UBXN2A: variants seen among roughly 807,000 people sequenced by gnomAD.
UBXN2A encodes the protein UBX domain protein 2A, also known as UBX domain-containing protein 2A.
Under a neutral mutation model 28.4 loss-of-function variants are expected in UBXN2A, and 28 were observed. The observed-to-expected ratio is 0.99, with a 90% confidence interval of 0.73 to 1.35. The LOEUF (loss-of-function observed/expected upper bound fraction) is 1.35. Among genes scored for constraint, UBXN2A ranks in the 40% most tolerant of loss-of-function variants. The pLI is 0.00. For synonymous variants in UBXN2A, 97 were observed against 103.6 expected (o/e 0.94, Z 0.39); for missense variants, 253 against 297.9 (o/e 0.85, Z 1.11).
intron 3 of UBXN2A, among the ~76,000 whole-genome samples, chr2:23,971,927 A>T (rs1707438384): frequency 6.6e-6 from 1 of 152,046 alleles, no homozygotes; most frequent in South Asian, 2.1e-4. Flanking sequence ...AGCAAGACCC[A>T]TCTCTACAAA....
At chr2:23,934,999 T>C (rs1705482248) in intron 1 of UBXN2A, among the ~76,000 whole-genome samples, 1 of 151,968 alleles carries the variant, frequency 6.6e-6, no homozygotes, top group African/African-American at 2.4e-5. Flanking sequence ...CACTTGAACC[T>C]GGGAGGCAGA....
In UBXN2A at chr2:24,000,033, T is replaced by C. The variant is rs1482998120; in HGVS notation, c.*166T>C. On this transcript the variant is annotated 3_prime_UTR_variant, in exon 7 of 7. Transcript: ENST00000309033. Reference sequence around the variant, plus strand: ...TTTAGATAAGTACAAGTTAAGAAAGTAGCATATGACTGGAAACTATATTCA... The same window carrying C: ...TTTAGATAAGTACAAGTTAAGAAAGCAGCATATGACTGGAAACTATATTCA... 6.3e-6 allele frequency: 4 copies of C among 639,892 alleles called. No individual in the cohort carries two copies. Among genetic ancestry groups the C allele is most frequent in the Non-Finnish European group, 1.0e-5 (4 of 382,064 alleles). 39.6% of individuals were successfully genotyped at this position (639,892 alleles called of 1,614,324 possible). A position where few individuals can be genotyped will look rare whatever the true frequency, so the allele number is the denominator to read the frequency against.
At chr2:23,955,401 A>G (rs1481784583) in intron 1 of UBXN2A, among the ~76,000 whole-genome samples, 1 of 152,088 alleles carries the variant, frequency 6.6e-6, no homozygotes, top group East Asian at 1.9e-4. Flanking sequence ...CTGTTCTTCC[A>G]TTTTGCTGAT....
chr2:23,964,328 A>G (rs1163879746), intron 2 of UBXN2A, among the ~76,000 whole-genome samples: 1 of 151,908 alleles, frequency 6.6e-6, no homozygotes, highest in Non-Finnish European at 1.5e-5. Context: ...CTCCTGCCTC[A>G]GCCTCCTGAG....
In UBXN2A at chr2:23,971,422, A is replaced by G; in HGVS notation, c.180+8A>G. 1 of 1,529,050 alleles carries G rather than the reference A, an allele frequency of 6.5e-7. No individual in the cohort carries two copies. The highest frequency in any genetic ancestry group is 1.4e-5 in the African/African-American group (1 of 73,342). 94.7% of individuals were successfully genotyped at this position (1,529,050 alleles called of 1,614,324 possible). On this transcript the variant is annotated splice_region_variant and intron_variant, in intron 3 of 6. Transcript: ENST00000309033. ...GCTGAACAGAAGAAACAGGTAAATAAATGTCTATTACTTTTCTTTTTCTTT... is the reference window on the plus strand; with the variant it reads ...GCTGAACAGAAGAAACAGGTAAATAGATGTCTATTACTTTTCTTTTTCTTT...
At chr2:23,951,419 T>G (rs1706355891) in intron 1 of UBXN2A, among the ~76,000 whole-genome samples, 2 of 10,390 alleles carry the variant, frequency 1.9e-4, no homozygotes, top group South Asian at 6.6e-3. Flanking sequence ...GATGGATATA[T>G]ATATATATAT....
At chr2:23,941,446 T>G (rs1705752947) in intron 1 of UBXN2A, among the ~76,000 whole-genome samples, 1 of 152,172 alleles carries the variant, frequency 6.6e-6, no homozygotes, top group Non-Finnish European at 1.5e-5. Context: ...ATAACACTAA[T>G]GTTAGTGCTA....
chr2:23,984,572 C>A, intron 5 of UBXN2A, 101 bp from the exon 6 acceptor site: 1 of 1,047,304 alleles, frequency 9.5e-7, no homozygotes, highest in East Asian at 3.4e-5. Flanking sequence ...AAAAATCTTC[C>A]TTAAAGTTAT....
rs144771282 is a variant in UBXN2A, at chr2:23,962,228, G to A, written c.41+3873G>A. Among the ~76,000 whole-genome samples, 13 of 152,246 alleles carry A rather than the reference G, an allele frequency of 8.5e-5. No homozygotes were observed. In the East Asian group the frequency reaches 1.7e-3, roughly 20 times the overall value. On this transcript the variant is annotated intron_variant, in intron 2 of 6. Coordinates refer to ENST00000309033, the MANE Select transcript of UBXN2A (RefSeq NM_181713.4). ...TGTTTACCATATGTGCTATCTAAGC[G>A]TCCACAGATGCAAATCTTTCACCCA...
At chr2:23,998,555 C>G (rs1381132681) in intron 6 of UBXN2A, among the ~76,000 whole-genome samples, 1 of 152,014 alleles carries the variant, frequency 6.6e-6, no homozygotes, top group African/African-American at 2.4e-5. Context: ...CCCATCTCTA[C>G]TAAGAAATAC....
intron 3 of UBXN2A, 106 bp from the exon 4 acceptor site, chr2:23,976,863 G>A: frequency 1.1e-6 from 1 of 884,464 alleles, no homozygotes; most frequent in South Asian, 1.7e-5. Flanking sequence ...TTACAGGAGT[G>A]AACCACCCCA....
chr2:23,959,824 G>A (rs1706813469), intron 2 of UBXN2A, among the ~76,000 whole-genome samples: 1 of 152,142 alleles, frequency 6.6e-6, no homozygotes, highest in African/African-American at 2.4e-5. Context: ...GTTTTTAGTG[G>A]GAGCTAGTTA....
In UBXN2A at chr2:24,000,597, C is replaced by A; in HGVS notation, c.*730C>A. On this transcript the variant is annotated 3_prime_UTR_variant, in exon 7 of 7. Transcript: ENST00000309033. Reference sequence around the variant, plus strand: ...AAATAATTGTGGCCGGGTGCAATGGCTCATGCCTGTAATCCCAGCACTTTG... The same window carrying A: ...AAATAATTGTGGCCGGGTGCAATGGATCATGCCTGTAATCCCAGCACTTTG... 6.6e-6 allele frequency: 1 copy of A among 151,890 alleles called. No homozygotes were observed. Among genetic ancestry groups the A allele is most frequent in the Non-Finnish European group, 1.5e-5 (1 of 67,946 alleles). The allele number at this position is 151,890 out of a possible 1,614,324, so 9.4% of individuals were successfully genotyped here. A position where few individuals can be genotyped will look rare whatever the true frequency, so the allele number is the denominator to read the frequency against.
chr2:23,955,665 A>G (rs1328892879), intron 1 of UBXN2A, among the ~76,000 whole-genome samples: 1 of 152,230 alleles, frequency 6.6e-6, no homozygotes, highest in Non-Finnish European at 1.5e-5. Context: ...AAACCTGTAC[A>G]GCATGTTACT....
At chr2:23,987,893 G>A (rs1305920021) in intron 6 of UBXN2A, among the ~76,000 whole-genome samples, 1 of 151,958 alleles carries the variant, frequency 6.6e-6, no homozygotes, top group African/African-American at 2.4e-5. Context: ...GGAGACCGAG[G>A]CAGGCAGATC....
At chr2:23,958,431 G>C in intron 2 of UBXN2A, 76 bp downstream of exon 2, 4 of 1,403,426 alleles carry the variant, frequency 2.9e-6, no homozygotes, top group Non-Finnish European at 3.9e-6. Context: ...CATTTCACTT[G>C]CAGAGATAGT....
chr2:23,989,763 C>T (rs749278114), intron 6 of UBXN2A, among the ~76,000 whole-genome samples: 7 of 151,904 alleles, frequency 4.6e-5, no homozygotes, highest in Admixed American at 6.6e-5. Context: ...AGTTGCCAGA[C>T]GTGGTGGCAC....
intron 2 of UBXN2A, among the ~76,000 whole-genome samples, chr2:23,961,270 A>C (rs576775740): frequency 6.6e-6 from 1 of 150,950 alleles, no homozygotes; most frequent in East Asian, 2.0e-4. Flanking sequence ...TAATTTTTGT[A>C]TTTTTAGTAG....
At chr2:23,953,020 A>G (rs145689746) in intron 1 of UBXN2A, among the ~76,000 whole-genome samples, 27 of 148,914 alleles carry the variant, frequency 1.8e-4, no homozygotes, top group African/African-American at 6.0e-4. Flanking sequence ...ACATCTTTTC[A>G]TAGTCATTAG....
Sources: gnomAD v4.1 joint callset for allele counts (sites outside exome capture counted in the v4.1 genomes callset) on GRCh38, gnomAD v4.1.1 for gene constraint, MANE v1.5 for transcripts, NCBI Gene and HGNC (gene_info 2026-07-23, HGNC 2026-07-21) for gene names.